Variants in LONP1 observed in about 807,000 individuals in gnomAD.
LONP1 encodes lon peptidase 1, mitochondrial.
Under a neutral mutation model 98.5 loss-of-function variants are expected in LONP1, and 31 were observed. The ratio of observed to expected loss-of-function variants is 0.31; its 90% confidence interval spans 0.24 to 0.42. The LOEUF (loss-of-function observed/expected upper bound fraction) is 0.42. Among genes scored for constraint, LONP1 ranks in the 20% least tolerant of loss-of-function variants. The pLI, the probability that LONP1 is intolerant of heterozygous loss-of-function variation, is 1.00. For synonymous variants in LONP1, 781 were observed against 594.7 expected (o/e 1.31, Z -4.56); for missense variants, 1,336 against 1,350.6 (o/e 0.99, Z 0.17).
intron 8 of LONP1, 50 bp downstream of exon 8, chr19:5,705,722 G>A: frequency 6.4e-7 from 1 of 1,556,274 alleles, no homozygotes; most frequent in African/African-American, 1.4e-5. Flanking sequence ...TAAGATGGGG[G>A]CTGAGGAGGG....
At chr19:5,698,401 G>A (rs775950843) in intron 10 of LONP1, among the ~76,000 whole-genome samples, 66 of 152,312 alleles carry the variant, frequency 4.3e-4, no homozygotes, top group Non-Finnish European at 5.1e-4. Context: ...CCAAAGAACC[G>A]CTGTCTACAG....
intron 15 of LONP1, among the ~76,000 whole-genome samples, chr19:5,694,086 T>C (rs1423595193): frequency 6.6e-6 from 1 of 152,176 alleles, no homozygotes; most frequent in Non-Finnish European, 1.5e-5. Context: ...ACCATCCCCT[T>C]TGCCCTCTCG....
intron 2 of LONP1, among the ~76,000 whole-genome samples, chr19:5,713,897 G>A (rs1382739540): frequency 1.3e-5 from 2 of 152,270 alleles, no homozygotes; most frequent in East Asian, 3.9e-4. Flanking sequence ...CCACATCTCC[G>A]AGCAGCTAGC....
intron 6 of LONP1, among the ~76,000 whole-genome samples, chr19:5,707,439 C>A (rs2145613010): frequency 6.6e-6 from 1 of 152,316 alleles, no homozygotes; most frequent in South Asian, 2.1e-4. Context: ...TCCCACTGAA[C>A]CCGCAACGGT....
intron 2 of LONP1, among the ~76,000 whole-genome samples, chr19:5,713,568 C>CT (rs1431489770): frequency 1.3e-5 from 2 of 152,026 alleles, no homozygotes; most frequent in African/African-American, 2.4e-5. Context: ...GCATGGAACT[C>CT]TTTTTTTCTT....
intron 9 of LONP1, among the ~76,000 whole-genome samples, chr19:5,700,272 C>A (rs2055016239): frequency 6.6e-6 from 1 of 152,158 alleles, no homozygotes; most frequent in Non-Finnish European, 1.5e-5. Flanking sequence ...CGCCACCACG[C>A]CTAACTAATT....
chr19:5,715,467 C>T (rs1427264943), intron 1 of LONP1, among the ~76,000 whole-genome samples: 1 of 150,476 alleles, frequency 6.6e-6, no homozygotes, highest in East Asian at 2.0e-4. Context: ...CACGGTGAAA[C>T]CCCGTCTCTA....
chr19:5,696,821 C>T, intron 10 of LONP1, 64 bp from the exon 11 acceptor site: 3 of 1,138,998 alleles, frequency 2.6e-6, no homozygotes, highest in East Asian at 2.4e-5. Context: ...CGACACCATG[C>T]ACCCTCCAGG....
chr19:5,705,294 TAAAAATACA>T (rs2055126141), intron 8 of LONP1, among the ~76,000 whole-genome samples: 1 of 151,682 alleles, frequency 6.6e-6, no homozygotes, highest in African/African-American at 2.4e-5. Context: ...CCATGTCTCC[TAAAAATACA>T]AAAAATTAAC....
intron 8 of LONP1, among the ~76,000 whole-genome samples, chr19:5,704,282 C>A (rs1039340621): frequency 6.6e-6 from 1 of 152,196 alleles, no homozygotes; most frequent in Non-Finnish European, 1.5e-5. Flanking sequence ...CGGCCCACAG[C>A]GGGATCTCAG....
Position 5,719,843 on chromosome 19 carries a change from G to A in LONP1, c.290C>T (p.Ala97Val). Residue 97 changes from alanine (A) to valine (V), a missense_variant, in exon 1 of 18, where the codon GCG becomes GTG. Physicochemically the swap from Ala to Val is moderately conservative, Grantham distance 64. Transcript: ENST00000360614. ...EGGAEEGAGG[A>V]GGSAGAGEGP... ...TTCCCCGGCGCCCGCGCTGCCCCCCGCGCCGCCGGCTCCTTCCTCCGCGCC... is the reference window on the plus strand; with the variant it reads ...TTCCCCGGCGCCCGCGCTGCCCCCCACGCCGCCGGCTCCTTCCTCCGCGCC... 6.2e-7 allele frequency: 1 copy of A among 1,607,148 alleles called. No individual in the cohort carries two copies. The highest frequency in any genetic ancestry group is 2.2e-5 in the East Asian group (1 of 44,652).
chr19:5,718,044 A>G (rs932769358), intron 1 of LONP1, among the ~76,000 whole-genome samples: 5 of 151,994 alleles, frequency 3.3e-5, no homozygotes, highest in Admixed American at 2.0e-4. Context: ...AACAACTCTA[A>G]TAAGACACTA....
At position 5,714,255 on chromosome 19, in the gene LONP1, A is replaced by G. The variant is rs754302528; in HGVS notation, c.446T>C (p.Leu149Ser). The G allele has an allele frequency of 6.2e-7, 1 of 1,613,672 alleles. No individual in the cohort carries two copies. Among genetic ancestry groups the G allele is most frequent in the Non-Finnish European group, 8.5e-7 (1 of 1,179,706 alleles). Residue 149 changes from leucine (L) to serine (S), a missense_variant, in exon 2 of 18, where the codon TTG becomes TCG. Transcript: ENST00000360614. ...AACTTTCCTTCTCAGCAGCTCAACC[A>G]ACTTCTTATTTTTAACCTAGCATGA... ...IKIIEVKNKK[L>S]VELLRRKVRL...
At chr19:5,707,293 C>A (rs1342957807) in intron 6 of LONP1, 150 bp from the exon 7 acceptor site, 4 of 666,666 alleles carry the variant, frequency 6.0e-6, no homozygotes, top group African/African-American at 5.3e-5. Flanking sequence ...TGCCCTCTGC[C>A]CCAACAAATC....
intron 17 of LONP1, 122 bp downstream of exon 17, chr19:5,693,176 G>A: frequency 8.0e-7 from 1 of 1,252,960 alleles, no homozygotes; most frequent in South Asian, 1.5e-5. Context: ...AGAGAGACCT[G>A]CTTCCAAAGC....
rs758142635 is a variant in LONP1, at chr19:5,713,159, G to A, written c.613C>T (p.Arg205Cys). The change falls in exon 3 of 18, where the codon CGC becomes TGC. Residue 205 changes from arginine to cysteine, a missense_variant. By Grantham distance (180) the Arg-to-Cys change is radical. Transcript: ENST00000360614. ...HEMQDLGDKL[R>C]MIVMGHRRVH... ...CTTCTGTGTCCCATGACGATCATGC[G>A]CAGCTTGTCCCCAAGGTCCTGCATC... 33 of 1,613,934 alleles carry A rather than the reference G, an allele frequency of 2.0e-5. No individual in the cohort carries two copies. Among genetic ancestry groups the A allele is most frequent in the Admixed American group, 5.0e-5 (3 of 59,990 alleles).
At chr19:5,696,800 C>A in intron 10 of LONP1, 43 bp from the exon 11 acceptor site, 1 of 1,422,986 alleles carries the variant, frequency 7.0e-7, no homozygotes, top group Middle Eastern at 1.8e-4. Context: ...GGTAGCCTGG[C>A]TCGGCCACAA....
In LONP1 at chr19:5,692,251, G is replaced by A. The variant is rs544593887; in HGVS notation, c.2704-43C>T. 58 of 1,568,950 alleles carry A rather than the reference G, an allele frequency of 3.7e-5. No homozygotes were observed. In the South Asian group the frequency reaches 6.4e-4, roughly 17 times the overall value. ...GTCAGCCCTGCCTGGGCCTGTGGGA[G>A]GGCAGCAGGTGTGCTAACCTCCAGG... On this transcript the variant is annotated intron_variant, in intron 17 of 17. Coordinates refer to ENST00000360614, the MANE Select transcript of LONP1 (RefSeq NM_004793.4).
intron 8 of LONP1, among the ~76,000 whole-genome samples, chr19:5,702,083 T>C (rs1340903445): frequency 2.9e-5 from 4 of 139,126 alleles, no homozygotes; most frequent in Admixed American, 7.1e-5. Flanking sequence ...GGTGGGGGGG[T>C]CAGCCCCCCA....
Sources: allele counts gnomAD v4.1 joint callset (sites outside exome capture counted in the v4.1 genomes callset), GRCh38; gene constraint gnomAD v4.1.1; transcripts MANE v1.5; gene names NCBI Gene and HGNC (gene_info 2026-07-23, HGNC 2026-07-21).